Variants in TECR observed in about 807,000 individuals in gnomAD.
The protein encoded by TECR is trans-2,3-enoyl-CoA reductase, also known as very-long-chain enoyl-CoA reductase.
TECR carries 19 observed loss-of-function variants against 50.6 expected under a neutral mutation model. That is an observed-to-expected ratio of 0.38 (90% confidence interval 0.26 to 0.55). TECR has a LOEUF of 0.55. TECR is among the 20% of genes least tolerant of loss of function. The pLI, the probability that TECR is intolerant of heterozygous loss-of-function variation, is 0.79. For missense variants in TECR, 313 were observed against 408.3 expected (o/e 0.77, Z 2.01); for synonymous variants, 168 against 163.5 (o/e 1.03, Z -0.21).
intron 1 of TECR, among the ~76,000 whole-genome samples, chr19:14,557,998 G>GC (rs904948099): frequency 1.3e-5 from 2 of 151,922 alleles, no homozygotes; most frequent in Non-Finnish European, 2.9e-5. Flanking sequence ...CTCGTGATTC[G>GC]CCCGCCTCGG....
At chr19:14,553,466 C>G (rs2073609751) in intron 1 of TECR, among the ~76,000 whole-genome samples, 1 of 152,112 alleles carries the variant, frequency 6.6e-6, no homozygotes, top group African/African-American at 2.4e-5. Context: ...TGCAGCCGCC[C>G]CCGGGTGCCA....
chr19:14,551,979 CTT>C (rs754053975), intron 1 of TECR, among the ~76,000 whole-genome samples: 8 of 89,704 alleles, frequency 8.9e-5, no homozygotes, highest in Admixed American at 1.4e-4. Context: ...CTCTTTCTCT[CTT>C]TTTTTTTTTT....
At chr19:14,543,256 C>T (rs1278842141) in intron 1 of TECR, among the ~76,000 whole-genome samples, 1 of 141,732 alleles carries the variant, frequency 7.1e-6, no homozygotes, top group African/African-American at 2.6e-5. Context: ...ATGAATGTTT[C>T]TCAGGAGCTG....
At chr19:14,559,559 G>A (rs1196434242) in intron 1 of TECR, among the ~76,000 whole-genome samples, 2 of 152,142 alleles carry the variant, frequency 1.3e-5, no homozygotes, top group Non-Finnish European at 2.9e-5. Flanking sequence ...AGGCCGAGGT[G>A]GTGGATTGCC....
intron 1 of TECR, among the ~76,000 whole-genome samples, chr19:14,542,619 C>G (rs968058956): frequency 6.6e-5 from 10 of 152,104 alleles, no homozygotes. Context: ...GCTTTGGCCT[C>G]CCAAAGTGTT....
At chr19:14,560,883 A>G (rs2073882415) in intron 1 of TECR, among the ~76,000 whole-genome samples, 1 of 152,130 alleles carries the variant, frequency 6.6e-6, no homozygotes, top group African/African-American at 2.4e-5. Context: ...GGTGCCTCCC[A>G]TCTGTCAGGG....
chr19:14,547,931 C>G (rs2073360688), intron 1 of TECR, among the ~76,000 whole-genome samples: 1 of 151,142 alleles, frequency 6.6e-6, no homozygotes, highest in Non-Finnish European at 1.5e-5. Flanking sequence ...CTGCCTTGGC[C>G]TCCCAACCAT....
At chr19:14,559,947 G>T (rs2073854085) in intron 1 of TECR, among the ~76,000 whole-genome samples, 1 of 150,018 alleles carries the variant, frequency 6.7e-6, no homozygotes, top group Admixed American at 6.6e-5. Context: ...TCCCACTGAG[G>T]ACTCATCCTG....
intron 1 of TECR, among the ~76,000 whole-genome samples, chr19:14,544,922 C>T (rs1481727790): frequency 6.6e-6 from 1 of 152,092 alleles, no homozygotes; most frequent in Non-Finnish European, 1.5e-5. Flanking sequence ...CAAGAGCCAC[C>T]ATGCCCAGCA....
At chr19:14,539,140 A>ATTTTTT (rs57801378) in intron 1 of TECR, among the ~76,000 whole-genome samples, 7 of 92,542 alleles carry the variant, frequency 7.6e-5, no homozygotes, top group Admixed American at 1.4e-4. Context: ...CGCCCGGCTA[A>ATTTTTT]TTTTTTTTTT....
chr19:14,563,474 C>G lies in TECR; in HGVS notation c.119-184C>G. ...GGAAGGACAAGATCCTGCTTCTGCC[C>G]GCGCTCTTCTGGCTTGTGTCCTGAA... On this transcript the variant is annotated intron_variant, in intron 3 of 12. Transcript: ENST00000215567. The surrounding 1 kb of genome is among the most constrained non-coding windows in gnomAD (Gnocchi z 5.3). 1 of 857,500 alleles carries G rather than the reference C, an allele frequency of 1.2e-6. No homozygotes were observed. The highest frequency in any genetic ancestry group is 1.5e-5 in the South Asian group (1 of 66,230). 53.1% of individuals were successfully genotyped at this position (857,500 alleles called of 1,614,324 possible).
intron 1 of TECR, among the ~76,000 whole-genome samples, chr19:14,548,545 T>C (rs558637912): frequency 1.3e-5 from 2 of 152,306 alleles, no homozygotes; most frequent in Middle Eastern, 3.4e-3. Context: ...AGGCTTTGCC[T>C]AAGGGTCTCT....
At chr19:14,565,318 C>T (rs1288495653) in intron 11 of TECR, 28 bp downstream of exon 11, 3 of 1,611,244 alleles carry the variant, frequency 1.9e-6, no homozygotes, top group African/African-American at 1.3e-5. Flanking sequence ...CCCTCTCTGC[C>T]CTGGGACTTG....
chr19:14,561,257 C>T (rs2073892081), intron 1 of TECR, among the ~76,000 whole-genome samples: 1 of 152,222 alleles, frequency 6.6e-6, no homozygotes. Flanking sequence ...GCTCCTTTTC[C>T]TCAGGCAGCC....
In TECR at chr19:14,563,591, T is replaced by G; in HGVS notation, c.119-67T>G. The G allele has an allele frequency of 2.5e-6, 4 of 1,603,308 alleles. No homozygotes were observed. The South Asian group carries it at 4.4e-5, about 18-fold the overall frequency. ...TGGGAACCCTGAGAAGCTGGCACAG[T>G]GGCTGGGCAGCGGACCGGCTGAGCC... On this transcript the variant is annotated intron_variant, in intron 3 of 12. Transcript: ENST00000215567. This position sits in a 1 kb window ranked among gnomAD's most constrained non-coding sequence, Gnocchi z 5.3.
At position 14,565,606 on chromosome 19, in the gene TECR, C is replaced by T. The variant is rs2074056370; in HGVS notation, c.754-12C>T. 2 of 1,609,752 alleles carry T rather than the reference C, an allele frequency of 1.2e-6. No homozygotes were observed. The highest frequency in any genetic ancestry group is 1.7e-6 in the Non-Finnish European group (2 of 1,179,218). On this transcript the variant is annotated splice_polypyrimidine_tract_variant and intron_variant, in intron 11 of 12. Transcript: ENST00000215567. ...GAGGCTGCCCACGCTCACTCTCCGC[C>T]CCTGCCCACAGGTGGGGTCCTGGAT...
rs1203523753 is a variant in TECR, at chr19:14,564,991, T to C, written c.605T>C (p.Val202Ala). The change falls in exon 9 of 13, where the codon GTG (valine) becomes GCG (alanine). Residue 202 changes from valine to alanine, a missense_variant and splice_region_variant. Transcript: ENST00000215567. ...GTGAAACTGGCGCTCGCCATCTTTG[T>C]GGTAAGGAGGCTGGGTGTGGGGACG... ...QQVKLALAIF[V>A]ICQLGNFSIH... The C allele has an allele frequency of 6.2e-7, 1 of 1,613,782 alleles. No homozygotes were observed. Among genetic ancestry groups the C allele is most frequent in the Non-Finnish European group, 8.5e-7 (1 of 1,179,998 alleles).
chr19:14,536,637 G>A (rs1277641480), intron 1 of TECR: 1 of 152,116 alleles, frequency 6.6e-6, no homozygotes, highest in Non-Finnish European at 1.5e-5. Flanking sequence ...TTGGCTGATG[G>A]TGTGCATCTT....
intron 1 of TECR, among the ~76,000 whole-genome samples, chr19:14,536,213 C>T (rs2072892474): frequency 6.6e-6 from 1 of 151,538 alleles, no homozygotes; most frequent in African/African-American, 2.4e-5. Flanking sequence ...ATATGCTTAA[C>T]TGCCACTGAC....
Sources: gnomAD v4.1 joint callset for allele counts (sites outside exome capture counted in the v4.1 genomes callset) on GRCh38, gnomAD v4.1.1 for gene constraint, Gnocchi (gnomAD v3.1) non-coding constraint, MANE v1.5 for transcripts, NCBI Gene and HGNC (gene_info 2026-07-23, HGNC 2026-07-21) for gene names.